Variants in CYP51A1 observed in about 807,000 individuals in gnomAD.
CYP51A1 encodes the protein cytochrome P450 family 51 subfamily A member 1, also known as lanosterol 14-alpha demethylase.
In CYP51A1, 45 loss-of-function variants were observed where a neutral mutation model predicts 53.5. The ratio of observed to expected loss-of-function variants is 0.84; its 90% confidence interval spans 0.66 to 1.08. The LOEUF (loss-of-function observed/expected upper bound fraction) is 1.08. Ranked by LOEUF, CYP51A1 falls within the 50% of genes least tolerant of loss-of-function variation. The probability of loss-of-function intolerance (pLI) is 0.00; values close to 1 mark genes in which losing one functional copy is unlikely to be tolerated. For synonymous variants in CYP51A1, 181 were observed against 217.7 expected (o/e 0.83, Z 1.48); for missense variants, 462 against 621.7 (o/e 0.74, Z 2.73).
At chr7:92,132,581 T>G (rs1272976341) in intron 1 of CYP51A1, among the ~76,000 whole-genome samples, 2 of 152,146 alleles carry the variant, frequency 1.3e-5, no homozygotes, top group Non-Finnish European at 2.9e-5. Context: ...CACTACTTAC[T>G]ACTACTACTA....
At chr7:92,127,802 A>C (rs1379283219) in intron 3 of CYP51A1, among the ~76,000 whole-genome samples, 171 bp from the exon 4 acceptor site, 2 of 152,230 alleles carry the variant, frequency 1.3e-5, no homozygotes. Flanking sequence ...CTCTAAATGA[A>C]TAGAGTCTAA....
In CYP51A1 at chr7:92,118,526, A is replaced by G. The variant is rs751231020; in HGVS notation, c.1176T>C (p.Thr392=). The change falls in exon 8 of 10, where the codon ACT becomes ACC. Residue 392 remains threonine (T), a synonymous_variant. Coordinates refer to ENST00000003100, the MANE Select transcript of CYP51A1 (RefSeq NM_000786.4). ...PIMIMMRMAR[T]PQTVAGYTIP... ...ATGTAGCCAAGATACTCACCTGAGGAGTTCTGGCCATTCTCATCATGATCA... is the reference window on the plus strand; with the variant it reads ...ATGTAGCCAAGATACTCACCTGAGGGGTTCTGGCCATTCTCATCATGATCA... The G allele has an allele frequency of 6.5e-7, 1 of 1,545,264 alleles. No individual in the cohort carries two copies. Among genetic ancestry groups the G allele is most frequent in the Non-Finnish European group, 8.9e-7 (1 of 1,118,778 alleles).
At chr7:92,128,109 G>A (rs71560807) in intron 3 of CYP51A1, among the ~76,000 whole-genome samples, 1 of 152,164 alleles carries the variant, frequency 6.6e-6, no homozygotes, top group Non-Finnish European at 1.5e-5. Context: ...CATTAAAAGA[G>A]GACTTCTGAA....
At chr7:92,123,909 C>A in intron 5 of CYP51A1, 56 bp from the exon 6 acceptor site, 1 of 1,431,034 alleles carries the variant, frequency 7.0e-7, no homozygotes, top group South Asian at 1.4e-5. Flanking sequence ...CTTCTAGGAT[C>A]AAATTCATTT....
At chr7:92,128,608 C>T (rs558131765) in intron 3 of CYP51A1, among the ~76,000 whole-genome samples, 2 of 152,098 alleles carry the variant, frequency 1.3e-5, no homozygotes, top group African/African-American at 4.8e-5. Flanking sequence ...CTCAGCCTCC[C>T]AAGTAGCTGG....
rs545393138 is a variant in CYP51A1, at chr7:92,134,371, C to T, written c.-7G>A. The T allele has an allele frequency of 6.4e-7, 1 of 1,568,912 alleles. No homozygotes were observed. Among genetic ancestry groups the T allele is most frequent in the Admixed American group, 1.8e-5 (1 of 55,882 alleles). ...TCCCAGCCGCCGCCGCCATTCACTC[C>T]GTCGGAAACACTGAAGGCCGAGGTC... On this transcript the variant is annotated 5_prime_UTR_variant, in exon 1 of 10. Transcript: ENST00000003100.
intron 9 of CYP51A1, 69 bp from the exon 10 acceptor site, chr7:92,113,912 T>C (rs1233738827): frequency 9.9e-7 from 1 of 1,012,688 alleles, no homozygotes; most frequent in Non-Finnish European, 1.5e-6. Flanking sequence ...TGGGGTGATA[T>C]TATCTACATT....
chr7:92,118,142 TTTTC>T (rs890672455), intron 8 of CYP51A1, among the ~76,000 whole-genome samples: 6 of 150,508 alleles, frequency 4.0e-5, no homozygotes, highest in African/African-American at 9.8e-5. Context: ...CCTCTTTTCT[TTTTC>T]TTTCTTTTTT....
At chr7:92,118,449 C>A (rs1454834623) in intron 8 of CYP51A1, 71 bp downstream of exon 8, 2 of 874,884 alleles carry the variant, frequency 2.3e-6, no homozygotes, top group Admixed American at 1.7e-5. Context: ...TGTGAACCAC[C>A]ACACCCACCT....
chr7:92,127,226 TG>T (rs1489209293), intron 4 of CYP51A1, among the ~76,000 whole-genome samples: 5 of 152,222 alleles, frequency 3.3e-5, no homozygotes, highest in Admixed American at 2.6e-4. Context: ...CAGAATATAG[TG>T]ACCTGCTGCC....
At chr7:92,133,514 G>A (rs1482768044) in intron 1 of CYP51A1, among the ~76,000 whole-genome samples, 1 of 152,190 alleles carries the variant, frequency 6.6e-6, no homozygotes, top group African/African-American at 2.4e-5. Flanking sequence ...TGATCCGCCC[G>A]CTTCGGCCTC....
chr7:92,134,108 C>T, intron 1 of CYP51A1, 65 bp downstream of exon 1: 1 of 1,528,282 alleles, frequency 6.5e-7, no homozygotes, highest in Non-Finnish European at 9.0e-7. Context: ...GAGCCGCCCA[C>T]GCCAGCCCTT....
intron 7 of CYP51A1, among the ~76,000 whole-genome samples, chr7:92,119,790 GAAGCCCAGACATTGGAC>G (rs1563178189): frequency 6.6e-6 from 1 of 152,080 alleles, no homozygotes; most frequent in Non-Finnish European, 1.5e-5. Flanking sequence ...TATCCATGAA[GAAGCCCAGACATTGGAC>G]TTACTAGATA....
At position 92,128,952 on chromosome 7, in the gene CYP51A1, A is replaced by G. The variant is rs1819864665; in HGVS notation, c.396T>C (p.Asn132=). ...LLFNSKNEDL[N]AEDVYSRLTT... ...TCAGGCGACTGTAGACATCTTCTGC[A>G]TTCAGGTCTTCATTTTTACTATTAA... The change falls in exon 3 of 10, where the codon AAT becomes AAC. Residue 132 remains asparagine, a synonymous_variant. Transcript: ENST00000003100. 6.2e-7 allele frequency: 1 copy of G among 1,613,100 alleles called. No homozygotes were observed. Among genetic ancestry groups the G allele is most frequent in the African/African-American group, 1.3e-5 (1 of 74,890 alleles).
At chr7:92,119,703 C>T (rs1819647982) in intron 7 of CYP51A1, among the ~76,000 whole-genome samples, 1 of 151,844 alleles carries the variant, frequency 6.6e-6, no homozygotes, top group Non-Finnish European at 1.5e-5. Context: ...CAGTTTTCAA[C>T]AAAAAAATTA....
chr7:92,126,415 G>A lies in CYP51A1; in HGVS notation c.608C>T (p.Ala203Val), dbSNP rs1286438351. ...GESGEKNVFE[A>V]LSELIILTAS... ...TGTTAAAATTATGAGCTCAGAAAGA[G>A]CTTCAAACACATCTAGGGAGAAAAA... Residue 203 changes from alanine to valine, a missense_variant, in exon 5 of 10, where the codon GCT becomes GTT. By Grantham distance (64) the Ala-to-Val change is moderately conservative (BLOSUM62 0). Coordinates refer to ENST00000003100, the MANE Select transcript of CYP51A1 (RefSeq NM_000786.4). 1.2e-6 allele frequency: 2 copies of A among 1,611,858 alleles called. No individual in the cohort carries two copies. The highest frequency in any genetic ancestry group is 1.7e-6 in the Non-Finnish European group (2 of 1,179,286).
chr7:92,132,480 G>T (rs1333902505), intron 1 of CYP51A1, among the ~76,000 whole-genome samples: 1 of 119,606 alleles, frequency 8.4e-6, no homozygotes, highest in Non-Finnish European at 1.8e-5. Flanking sequence ...TTTGTATTGG[G>T]TTTTTTTCCC....
At chr7:92,133,038 G>A (rs1031773081) in intron 1 of CYP51A1, among the ~76,000 whole-genome samples, 2 of 152,090 alleles carry the variant, frequency 1.3e-5, no homozygotes, top group African/African-American at 2.4e-5. Context: ...AAGATCCCAT[G>A]TGTAGGAAAA....
intron 7 of CYP51A1, 87 bp downstream of exon 7, chr7:92,123,033 T>G: frequency 9.8e-7 from 1 of 1,015,664 alleles, no homozygotes; most frequent in Non-Finnish European, 1.5e-6. Context: ...CTATAGTATA[T>G]AGAAAATCTC....
Sources: allele counts gnomAD v4.1 joint callset (sites outside exome capture counted in the v4.1 genomes callset), GRCh38; gene constraint gnomAD v4.1.1; transcripts MANE v1.5; gene names NCBI Gene and HGNC (gene_info 2026-07-23, HGNC 2026-07-21).